The following RIMBP2 variants were observed in gnomAD, a reference collection of about 807,000 sequenced individuals.
The protein encoded by RIMBP2 is RIMS binding protein 2.
RIMBP2 carries 48 observed loss-of-function variants against 118.6 expected under a neutral mutation model. The observed-to-expected ratio is 0.40, with a 90% CI of 0.32 to 0.51. The LOEUF (loss-of-function observed/expected upper bound fraction) is 0.51, where lower values mean the gene tolerates loss of function less well. Among genes scored for constraint, RIMBP2 ranks in the 20% least tolerant of loss-of-function variants. The probability of loss-of-function intolerance (pLI) is 0.41; values close to 1 mark genes in which losing one functional copy is unlikely to be tolerated. For synonymous variants in RIMBP2, 762 were observed against 742.9 expected (o/e 1.03, Z -0.42); for missense variants, 1,551 against 1,768.3 (o/e 0.88, Z 2.20).
chr12:130,648,761 A>G lies in RIMBP2; in HGVS notation c.-351-20305T>C, dbSNP rs574992891. 3.4e-3 allele frequency among the ~76,000 whole-genome samples: 492 copies of G among 143,026 alleles called. 68 individuals carry two copies. The highest frequency in any genetic ancestry group is 4.9e-3 in the Non-Finnish European group (310 of 63,394). 93.8% of individuals were successfully genotyped at this position (143,026 alleles called of 152,430 possible). ...AACCTCCGCCTCCCGGGTTCAAGCG[A>G]TTCTCGCTCCTCAGCCTCCCGAGTA... On this transcript the variant is annotated intron_variant, in intron 1 of 22. Transcript: ENST00000690449.
intron 4 of RIMBP2, among the ~76,000 whole-genome samples, chr12:130,487,488 T>C (rs78844578): frequency 0.05 from 7,588 of 152,280 alleles, 688 homozygotes; most frequent in African/African-American, 0.17. Flanking sequence ...CTTTGCCTTC[T>C]GCCATGTTTG....
intron 2 of RIMBP2, among the ~76,000 whole-genome samples, chr12:130,582,807 A>G (rs147800544): frequency 6.0e-4 from 91 of 152,288 alleles, no homozygotes; most frequent in African/African-American, 2.1e-3. Context: ...CTAGACTCCA[A>G]GTCTCCCGAG....
intron 2 of RIMBP2, among the ~76,000 whole-genome samples, chr12:130,532,163 T>G (rs1300870005): frequency 3.5e-5 from 5 of 143,900 alleles, no homozygotes; most frequent in African/African-American, 5.2e-5. Context: ...ATGCGTGTGT[T>G]TAGCCTCTAG....
intron 2 of RIMBP2, among the ~76,000 whole-genome samples, chr12:130,557,644 G>A (rs1263406590): frequency 6.6e-6 from 1 of 152,206 alleles, no homozygotes; most frequent in Non-Finnish European, 1.5e-5. Flanking sequence ...GCAGATGTGT[G>A]TTGTTTGAAG....
intron 7 of RIMBP2, among the ~76,000 whole-genome samples, chr12:130,453,937 C>A (rs2079204520): frequency 6.6e-6 from 1 of 152,104 alleles, no homozygotes; most frequent in Admixed American, 6.6e-5. Flanking sequence ...ACCTGTAATC[C>A]CAGCTACCTG....
intron 21 of RIMBP2, among the ~76,000 whole-genome samples, chr12:130,400,030 G>A (rs766418922): frequency 5.9e-5 from 9 of 152,166 alleles, no homozygotes; most frequent in African/African-American, 9.7e-5. Context: ...GATTTCTCCT[G>A]TTCAGTGAGG....
At chr12:130,639,562 C>G (rs1051895180) in intron 1 of RIMBP2, among the ~76,000 whole-genome samples, 1 of 150,690 alleles carries the variant, frequency 6.6e-6, no homozygotes, top group Non-Finnish European at 1.5e-5. Context: ...AAGTACCTCA[C>G]CCCTTTAATT....
chr12:130,434,816 T>C lies in RIMBP2; in HGVS notation c.2171A>G (p.Glu724Gly), dbSNP rs763955047. 2 of 1,613,874 alleles carry C rather than the reference T, an allele frequency of 1.2e-6. No homozygotes were observed. Among genetic ancestry groups the C allele is most frequent in the Non-Finnish European group, 1.7e-6 (2 of 1,179,948 alleles). The change falls in exon 14 of 23, where the codon GAG becomes GGG. Residue 724 changes from glutamate (E) to glycine (G), a missense_variant. Glu to Gly is a moderately conservative substitution (Grantham distance 98). Coordinates refer to ENST00000690449, the MANE Select transcript of RIMBP2 (RefSeq NM_001393629.1). This position sits in a 1 kb window ranked among gnomAD's most constrained non-coding sequence, Gnocchi z 5.7. The part of the protein sequence containing the change: ...SAGQYAASDE[E>G]DAYDSPDFKR... ...GAAGTCTGGAGAGTCATAGGCGTCC[T>C]CCTCGTCTGAGGCGGCGTACTGCCC...
At chr12:130,535,767 A>ACG (rs1824202018) in intron 2 of RIMBP2, among the ~76,000 whole-genome samples, 2 of 63,190 alleles carry the variant, frequency 3.2e-5, no homozygotes, top group South Asian at 1.0e-3. Context: ...ATATATATAT[A>ACG]TATATATATA....
intron 2 of RIMBP2, among the ~76,000 whole-genome samples, chr12:130,522,480 G>GCTGGGAC (rs2052240686): frequency 6.6e-6 from 1 of 152,362 alleles, no homozygotes; most frequent in African/African-American, 2.4e-5. Flanking sequence ...GTCTTTAGGA[G>GCTGGGAC]CTGGGACACT....
chr12:130,649,604 A>G (rs1365428716), intron 1 of RIMBP2, among the ~76,000 whole-genome samples: 3 of 152,152 alleles, frequency 2.0e-5, no homozygotes, highest in Non-Finnish European at 4.4e-5. Context: ...CCTTGGAGAG[A>G]CAGCGCGGGC....
intron 1 of RIMBP2, among the ~76,000 whole-genome samples, chr12:130,652,667 T>C (rs562426332): frequency 6.6e-6 from 1 of 152,314 alleles, no homozygotes; most frequent in South Asian, 2.1e-4. Flanking sequence ...TTCATTGCTA[T>C]AAAGAAATAC....
chr12:130,449,876 A>T (rs2078849868), intron 9 of RIMBP2, among the ~76,000 whole-genome samples: 1 of 151,928 alleles, frequency 6.6e-6, no homozygotes, highest in Non-Finnish European at 1.5e-5. Context: ...AAGAGGAAAG[A>T]AGGACCCCTC....
intron 2 of RIMBP2, among the ~76,000 whole-genome samples, chr12:130,611,139 A>G (rs1433625236): frequency 6.6e-6 from 1 of 152,212 alleles, no homozygotes; most frequent in South Asian, 2.1e-4. Context: ...GCCTGAACTC[A>G]GCCTCAGGCC....
chr12:130,438,302 C>G (rs149506986), intron 12 of RIMBP2, 63 bp downstream of exon 12: 47 of 1,578,112 alleles, frequency 3.0e-5, no homozygotes, highest in Non-Finnish European at 3.8e-5. Flanking sequence ...GAGCAAATAC[C>G]GGGCCGGTCC....
chr12:130,445,317 C>A, intron 9 of RIMBP2, 48 bp from the exon 10 acceptor site: 2 of 1,370,178 alleles, frequency 1.5e-6, no homozygotes, highest in Non-Finnish European at 2.0e-6. Context: ...GAGGACACAG[C>A]CCGCACCCCT....
chr12:130,559,602 G>GAACCTCGGCGATGGT (rs2056651717), intron 2 of RIMBP2, among the ~76,000 whole-genome samples: 1 of 152,198 alleles, frequency 6.6e-6, no homozygotes, highest in African/African-American at 2.4e-5. Context: ...TTGGCGATGG[G>GAACCTCGGCGATGGT]GAACCTCATG....
chr12:130,704,803 A>T (rs2066019587), intron 1 of RIMBP2, among the ~76,000 whole-genome samples: 2 of 152,028 alleles, frequency 1.3e-5, no homozygotes, highest in Non-Finnish European at 2.9e-5. Flanking sequence ...CCGGGGCTCC[A>T]CCACCAGGGT....
chr12:130,462,725 C>T (rs182471034), intron 6 of RIMBP2, among the ~76,000 whole-genome samples: 70 of 152,318 alleles, frequency 4.6e-4, no homozygotes, highest in Middle Eastern at 3.4e-3. Flanking sequence ...GGGGCCAAAG[C>T]GCAAGCACCC....
Sources: gnomAD v4.1 joint callset for allele counts (sites outside exome capture counted in the v4.1 genomes callset) on GRCh38, gnomAD v4.1.1 for gene constraint, Gnocchi (gnomAD v3.1) non-coding constraint, MANE v1.5 for transcripts, NCBI Gene and HGNC (gene_info 2026-07-23, HGNC 2026-07-21) for gene names.